MRPL14: variants seen among roughly 807,000 people sequenced by gnomAD.
The protein encoded by MRPL14 is large ribosomal subunit protein uL14m.
A neutral mutation model predicts 10.9 loss-of-function variants in MRPL14; 8 were observed. The observed-to-expected ratio is 0.74, with a 90% confidence interval of 0.43 to 1.33. The LOEUF is 1.33. MRPL14 is among the 40% of genes most tolerant of loss of function. The pLI is 0.01. For synonymous variants in MRPL14, 82 were observed against 74.1 expected (o/e 1.11, Z -0.54); for missense variants, 179 against 194.5 (o/e 0.92, Z 0.47).
rs570320201 is a variant in MRPL14 at position 44,121,677 on chromosome 6, C to T, written c.-18-5048G>A. On this transcript the variant is annotated intron_variant, in intron 1 of 2. Coordinates refer to ENST00000372014, the MANE Select transcript of MRPL14 (RefSeq NM_032111.4). ...ATTTATGACTGGGCATAGTGGCTTA[C>T]GCCTATAATCCCAACACTTTGGGAG... Among the ~76,000 whole-genome samples the T allele has an allele frequency of 2.0e-4, 31 of 152,336 alleles. No homozygotes were observed. The South Asian group carries it at 3.7e-3, about 18-fold the overall frequency.
chr6:44,115,494 C>T (rs1212317372), intron 2 of MRPL14, among the ~76,000 whole-genome samples: 1 of 152,108 alleles, frequency 6.6e-6, no homozygotes, highest in Non-Finnish European at 1.5e-5. Flanking sequence ...GTTAATATCA[C>T]CCCCTAAGCA....
At chr6:44,117,056 T>C (rs1775920503) in intron 1 of MRPL14, among the ~76,000 whole-genome samples, 2 of 151,464 alleles carry the variant, frequency 1.3e-5, no homozygotes, top group Admixed American at 6.6e-5. Flanking sequence ...TTTAACTCCC[T>C]AAAAGAAAGT....
intron 1 of MRPL14, among the ~76,000 whole-genome samples, chr6:44,122,196 C>T (rs1322359274): frequency 1.3e-5 from 2 of 152,034 alleles, no homozygotes; most frequent in Non-Finnish European, 2.9e-5. Flanking sequence ...CATTCTCCTG[C>T]CTCAGCCTCC....
intron 1 of MRPL14, among the ~76,000 whole-genome samples, chr6:44,126,305 C>T (rs1452229343): frequency 6.6e-6 from 1 of 152,238 alleles, no homozygotes; most frequent in Non-Finnish European, 1.5e-5. Flanking sequence ...TTTTCTATTT[C>T]AAGTGGCCGT....
chr6:44,114,551 G>T (rs1272399344), intron 2 of MRPL14, among the ~76,000 whole-genome samples: 1 of 152,200 alleles, frequency 6.6e-6, no homozygotes, highest in African/African-American at 2.4e-5. Context: ...TCCCTTATGG[G>T]CTAGGCCTCA....
At chr6:44,121,494 T>C (rs1307972818) in intron 1 of MRPL14, among the ~76,000 whole-genome samples, 2 of 152,170 alleles carry the variant, frequency 1.3e-5, no homozygotes, top group African/African-American at 4.8e-5. Flanking sequence ...TTCAATGGAA[T>C]ATGGGGGAAT....
At chr6:44,118,708 T>A (rs1157349685) in intron 1 of MRPL14, among the ~76,000 whole-genome samples, 1 of 152,212 alleles carries the variant, frequency 6.6e-6, no homozygotes. Flanking sequence ...CTCACGCCTG[T>A]AATCCCAGCA....
Position 44,113,537 on chromosome 6 carries a change from T to C in MRPL14, c.*306A>G, listed in dbSNP as rs151030873. The stretch of plus-strand genomic sequence containing the variant: ...GGCCTGACAGTCCTGGATGAACTTA[T>C]AGGGTCCAAACCAGAAAAGCAAGGG... On this transcript the variant is annotated 3_prime_UTR_variant, in exon 3 of 3. Transcript: ENST00000372014. 239 of 246,854 alleles carry C rather than the reference T, an allele frequency of 9.7e-4. No individual in the cohort carries two copies. Among genetic ancestry groups the C allele is most frequent in the African/African-American group, 4.8e-3 (215 of 44,998 alleles). The allele number at this position is 246,854 out of a possible 1,614,324, so 15.3% of individuals were successfully genotyped here.
intron 1 of MRPL14, among the ~76,000 whole-genome samples, chr6:44,117,851 T>TG (rs1384606212): frequency 7.2e-6 from 1 of 138,574 alleles, no homozygotes; most frequent in Non-Finnish European, 1.6e-5. Flanking sequence ...TTTTTTTTTT[T>TG]TTTTTTTTTT....
intron 1 of MRPL14, among the ~76,000 whole-genome samples, chr6:44,117,267 G>GA (rs1223839090): frequency 6.6e-6 from 1 of 152,208 alleles, no homozygotes; most frequent in Non-Finnish European, 1.5e-5. Flanking sequence ...TACTACAGCT[G>GA]AAAGTGGGCT....
intron 1 of MRPL14, among the ~76,000 whole-genome samples, chr6:44,118,613 T>C (rs1046940797): frequency 2.0e-5 from 3 of 152,238 alleles, no homozygotes; most frequent in African/African-American, 7.2e-5. Context: ...TTATGAACAC[T>C]TATCAAATGG....
Position 44,113,751 on chromosome 6 carries a change from GCAGCCATGTGGCTCCC to G in MRPL14, c.*76_*91del. ...TACACTGTTACCCAGTGTGAAGGGA[GCAGCCATGTGGCTCCC>G]AAGCTCCCTTAGCAAAAGGGTGGTT... On this transcript the variant is annotated 3_prime_UTR_variant, in exon 3 of 3. Coordinates refer to ENST00000372014, the MANE Select transcript of MRPL14 (RefSeq NM_032111.4). 3.7e-6 allele frequency: 5 copies of G among 1,358,850 alleles called. No homozygotes were observed. The South Asian group carries it at 7.4e-5, about 20-fold the overall frequency. 84.2% of individuals were successfully genotyped at this position (1,358,850 alleles called of 1,614,324 possible).
chr6:44,116,710 G>A (rs1775886438), intron 1 of MRPL14, 81 bp from the exon 2 acceptor site: 1 of 865,136 alleles, frequency 1.2e-6, no homozygotes. Context: ...ACTTGTGTGG[G>A]AGATGGCACT....
intron 1 of MRPL14, among the ~76,000 whole-genome samples, chr6:44,120,234 T>G (rs538098543): frequency 2.0e-5 from 3 of 152,222 alleles, no homozygotes; most frequent in Non-Finnish European, 4.4e-5. Context: ...CTTGTGCCAG[T>G]GCAACACTCA....
chr6:44,126,762 T>C (rs950799961), intron 1 of MRPL14, among the ~76,000 whole-genome samples: 3 of 152,202 alleles, frequency 2.0e-5, no homozygotes, highest in South Asian at 2.1e-4. Flanking sequence ...GGGTGATATA[T>C]AGAAAGAGTC....
chr6:44,123,899 T>C lies in MRPL14; in HGVS notation c.-19+3445A>G, dbSNP rs540931907. Among the ~76,000 whole-genome samples, 26 of 152,300 alleles carry C rather than the reference T, an allele frequency of 1.7e-4. No homozygotes were observed. The South Asian group carries it at 2.7e-3, about 16-fold the overall frequency. ...AAAAAAGTAAGCAGTAGTACTTAGA[T>C]AGATCTGACAATTCTCAATTATTCA... On this transcript the variant is annotated intron_variant, in intron 1 of 2. Coordinates refer to ENST00000372014, the MANE Select transcript of MRPL14 (RefSeq NM_032111.4).
intron 2 of MRPL14, 68 bp downstream of exon 2, chr6:44,116,473 G>A (rs1775860332): frequency 1.3e-6 from 2 of 1,499,126 alleles, no homozygotes; most frequent in Admixed American, 1.7e-5. Flanking sequence ...TCTAGTCACC[G>A]TAATACCCAG....
At chr6:44,120,127 CCAGA>C (rs890778038) in intron 1 of MRPL14, among the ~76,000 whole-genome samples, 7 of 152,154 alleles carry the variant, frequency 4.6e-5, no homozygotes, top group African/African-American at 1.4e-4. Context: ...TCATCTCTGC[CCAGA>C]CAAATGTGAC....
At position 44,113,932 on chromosome 6, in the gene MRPL14, T is replaced by C; in HGVS notation, c.349A>G (p.Thr117Ala). 1 of 1,611,168 alleles carries C rather than the reference T, an allele frequency of 6.2e-7. No individual in the cohort carries two copies. Among genetic ancestry groups the C allele is most frequent in the Non-Finnish European group, 8.5e-7 (1 of 1,177,522 alleles). Residue 117 changes from threonine to alanine, a missense_variant, in exon 3 of 3, where the codon ACA becomes GCA. By Grantham distance (58) the Thr-to-Ala change is moderately conservative. Transcript: ENST00000372014. ...LIEDNGNPVGTRIKTPIPTSL... is the reference protein window; with the variant it reads ...LIEDNGNPVGARIKTPIPTSL... ...GTGGGGATGGGTGTCTTAATTCGTG[T>C]CCCCACAGGGTTCCCGTTGTCCTCA...
Sources: gnomAD v4.1 joint callset for allele counts (sites outside exome capture counted in the v4.1 genomes callset) on GRCh38, gnomAD v4.1.1 for gene constraint, MANE v1.5 for transcripts, NCBI Gene and HGNC (gene_info 2026-07-23, HGNC 2026-07-21) for gene names.